UBTD2: variants seen among roughly 807,000 people sequenced by gnomAD.
UBTD2 encodes the protein ubiquitin domain-containing protein 2.
UBTD2 carries 9 observed loss-of-function variants against 19.8 expected under a neutral mutation model. The observed-to-expected ratio is 0.46, with a 90% CI of 0.27 to 0.79. The LOEUF is 0.79. Among genes scored for constraint, UBTD2 ranks in the 30% least tolerant of loss-of-function variants. UBTD2 has a pLI of 0.14. For synonymous variants in UBTD2, 98 were observed against 103.9 expected, an observed-to-expected ratio of 0.94 and a Z score of 0.35; for missense variants, 250 against 300.4, an observed-to-expected ratio of 0.83 and a Z score of 1.24.
intron 1 of UBTD2, among the ~76,000 whole-genome samples, chr5:172,271,046 CTA>C (rs781551861): frequency 6.6e-6 from 1 of 152,120 alleles, no homozygotes; most frequent in Non-Finnish European, 1.5e-5. Context: ...CCCCTAAATG[CTA>C]TGTTTTTTCG....
At position 172,211,147 on chromosome 5, in the gene UBTD2, G is replaced by T. The variant is rs1007922629; in HGVS notation, c.*683C>A. The T allele has an allele frequency of 6.6e-6, 1 of 152,092 alleles. No homozygotes were observed. The highest frequency in any genetic ancestry group is 1.9e-4 in the East Asian group (1 of 5,194). The allele number at this position is 152,092 out of a possible 1,614,324, so 9.4% of individuals were successfully genotyped here. On this transcript the variant is annotated 3_prime_UTR_variant, in exon 3 of 3. Coordinates refer to ENST00000393792, the MANE Select transcript of UBTD2 (RefSeq NM_152277.3). Reference sequence around the variant, plus strand: ...AATTATTGCCTAGTGTTCCAGAAGGGTGCCTGCCACTAATGTGCTGGAAGG... The same window carrying T: ...AATTATTGCCTAGTGTTCCAGAAGGTTGCCTGCCACTAATGTGCTGGAAGG...
At chr5:172,223,156 G>C (rs1319551312) in intron 2 of UBTD2, among the ~76,000 whole-genome samples, 12 of 152,172 alleles carry the variant, frequency 7.9e-5, no homozygotes. Context: ...AGATAATTTA[G>C]GGTTACAAGA....
intron 1 of UBTD2, among the ~76,000 whole-genome samples, chr5:172,241,115 C>A (rs942511242): frequency 2.0e-5 from 3 of 150,918 alleles, no homozygotes; most frequent in Non-Finnish European, 4.4e-5. Context: ...AAGGCACACA[C>A]ATAAATCAAG....
chr5:172,273,590 C>CAAAAAAAAAAAAA (rs35687001), intron 1 of UBTD2, among the ~76,000 whole-genome samples: 2 of 36,424 alleles, frequency 5.5e-5, no homozygotes, highest in Non-Finnish European at 1.0e-4. Context: ...GACTCCGTCT[C>CAAAAAAAAAAAAA]AAAAAAAAAA....
intron 2 of UBTD2, among the ~76,000 whole-genome samples, chr5:172,220,867 A>G (rs893671754): frequency 9.2e-5 from 14 of 152,228 alleles, no homozygotes; most frequent in Admixed American, 9.2e-4. Context: ...CTATGTAAAA[A>G]ATATGAAGAA....
At chr5:172,263,056 G>GC (rs541084492) in intron 1 of UBTD2, among the ~76,000 whole-genome samples, 139 of 151,918 alleles carry the variant, frequency 9.1e-4, no homozygotes, top group African/African-American at 3.1e-3. Flanking sequence ...TCCCACCTCA[G>GC]CCCCCCAAGT....
At chr5:172,258,262 T>C (rs1232826875) in intron 1 of UBTD2, among the ~76,000 whole-genome samples, 17 of 152,236 alleles carry the variant, frequency 1.1e-4, no homozygotes, top group Admixed American at 1.1e-3. Flanking sequence ...GGGAGTCCTT[T>C]CCCCACTGCT....
At chr5:172,245,324 C>T (rs1369186488) in intron 1 of UBTD2, among the ~76,000 whole-genome samples, 1 of 152,144 alleles carries the variant, frequency 6.6e-6, no homozygotes, top group African/African-American at 2.4e-5. Context: ...ATGGGGGAAA[C>T]TGCAGAGCAG....
At chr5:172,275,831 A>G (rs530717637) in intron 1 of UBTD2, among the ~76,000 whole-genome samples, 1 of 152,244 alleles carries the variant, frequency 6.6e-6, no homozygotes, top group African/African-American at 2.4e-5. Flanking sequence ...CTTTTCCCAG[A>G]TATCTTTCTT....
chr5:172,243,554 C>A (rs1035088144), intron 1 of UBTD2, among the ~76,000 whole-genome samples: 1 of 101,072 alleles, frequency 9.9e-6, no homozygotes, highest in African/African-American at 3.9e-5. Flanking sequence ...TGTGAGAAAC[C>A]TTTTTTTTTT....
At chr5:172,254,592 CT>C in intron 1 of UBTD2, 1 of 643,530 alleles carries the variant, frequency 1.6e-6, no homozygotes, top group Non-Finnish European at 2.8e-6. Context: ...CAAGTGGGAG[CT>C]TTTAGCGTAC....
chr5:172,233,213 G>C (rs990418975), intron 2 of UBTD2, among the ~76,000 whole-genome samples: 1 of 152,142 alleles, frequency 6.6e-6, no homozygotes, highest in African/African-American at 2.4e-5. Context: ...GAAAGTCCCT[G>C]TTCCTCTAAG....
chr5:172,279,633 T>G (rs937636241), intron 1 of UBTD2, among the ~76,000 whole-genome samples: 1 of 152,248 alleles, frequency 6.6e-6, no homozygotes, highest in Non-Finnish European at 1.5e-5. Context: ...TACATCACTA[T>G]ACTTTCATTA....
chr5:172,275,460 C>G (rs1755588768), intron 1 of UBTD2, among the ~76,000 whole-genome samples: 1 of 152,112 alleles, frequency 6.6e-6, no homozygotes, highest in Non-Finnish European at 1.5e-5. Flanking sequence ...TAAATACAAC[C>G]AGATTAGTTT....
chr5:172,225,840 A>G (rs1345753138), intron 2 of UBTD2, among the ~76,000 whole-genome samples: 1 of 152,018 alleles, frequency 6.6e-6, no homozygotes, highest in Non-Finnish European at 1.5e-5. Context: ...TAGAACTCCA[A>G]GGTTTTTGTA....
chr5:172,254,395 C>A (rs1176583184), intron 1 of UBTD2: 1 of 340,090 alleles, frequency 2.9e-6, no homozygotes, highest in Non-Finnish European at 5.6e-6. Flanking sequence ...CTGCGCCCGG[C>A]CTCCATGTGG....
chr5:172,259,234 C>T (rs1342200765), intron 1 of UBTD2, among the ~76,000 whole-genome samples: 1 of 152,074 alleles, frequency 6.6e-6, no homozygotes, highest in Non-Finnish European at 1.5e-5. Flanking sequence ...CCTCTGCCTC[C>T]TGGGTTCAAG....
rs1755106527 is a variant in UBTD2 at position 172,254,835 on chromosome 5, C to G, written c.71-20477G>C. On this transcript the variant is annotated intron_variant, in intron 1 of 2. Coordinates refer to ENST00000393792, the MANE Select transcript of UBTD2 (RefSeq NM_152277.3). ...TCTATTTTAATTTTTTTCTCTGGTA[C>G]AGGATTTTCTTATGATTCAATTACA... 1.3e-5 allele frequency: 7 copies of G among 548,910 alleles called. No homozygotes were observed. The South Asian group carries it at 1.5e-4, about 12-fold the overall frequency. 34.0% of individuals were successfully genotyped at this position (548,910 alleles called of 1,614,324 possible). A position where few individuals can be genotyped will look rare whatever the true frequency, so the allele number is the denominator to read the frequency against.
At position 172,283,450 on chromosome 5, in the gene UBTD2, G is replaced by T; in HGVS notation, c.70+146C>A. Reference sequence around the variant, plus strand: ...GGCGACCCCCGCGGCTGGCAGGACAGCCGGAAGCGGAGCGCGGGGAATGAC... The same window carrying T: ...GGCGACCCCCGCGGCTGGCAGGACATCCGGAAGCGGAGCGCGGGGAATGAC... On this transcript the variant is annotated intron_variant, in intron 1 of 2. Transcript: ENST00000393792. The surrounding 1 kb of genome is among the most constrained non-coding windows in gnomAD (Gnocchi z 4.3). 2 of 593,658 alleles carry T rather than the reference G, an allele frequency of 3.4e-6. No homozygotes were observed. Among genetic ancestry groups the T allele is most frequent in the Non-Finnish European group, 4.8e-6 (2 of 414,332 alleles). 36.8% of individuals were successfully genotyped at this position (593,658 alleles called of 1,614,324 possible). A position where few individuals can be genotyped will look rare whatever the true frequency, so the allele number is the denominator to read the frequency against.
Sources: allele counts gnomAD v4.1 joint callset (sites outside exome capture counted in the v4.1 genomes callset), GRCh38; gene constraint gnomAD v4.1.1; non-coding constraint Gnocchi (gnomAD v3.1); transcripts MANE v1.5; gene names NCBI Gene and HGNC (gene_info 2026-07-23, HGNC 2026-07-21).